AGBL4: variants seen among roughly 807,000 people sequenced by gnomAD.
The protein encoded by AGBL4 is cytosolic carboxypeptidase 6.
AGBL4 carries 58 observed loss-of-function variants against 66.4 expected under a neutral mutation model. The ratio of observed to expected loss-of-function variants is 0.87; its 90% CI spans 0.71 to 1.09. The LOEUF (loss-of-function observed/expected upper bound fraction) is 1.09. Among genes scored for constraint, AGBL4 ranks in the 50% least tolerant of loss-of-function variants. The pLI is 0.00. For missense variants in AGBL4, 579 were observed against 631.0 expected, an observed-to-expected ratio of 0.92 and a Z score of 0.88; for synonymous variants, 234 against 222.9, an observed-to-expected ratio of 1.05 and a Z score of -0.44.
chr1:48,886,231 T>C (rs1473215585), intron 5 of AGBL4, among the ~76,000 whole-genome samples: 1 of 152,144 alleles, frequency 6.6e-6, no homozygotes, highest in African/African-American at 2.4e-5. Context: ...GGCAGGGTCT[T>C]TCTGAGTGGG....
chr1:49,700,466 T>C (rs1246315636), intron 2 of AGBL4, among the ~76,000 whole-genome samples: 1 of 152,026 alleles, frequency 6.6e-6, no homozygotes, highest in Non-Finnish European at 1.5e-5. Context: ...AAAAGAAATA[T>C]TCAGCAAAGG....
chr1:49,944,516 T>A (rs1057427942), intron 1 of AGBL4, among the ~76,000 whole-genome samples: 1 of 151,580 alleles, frequency 6.6e-6, no homozygotes, highest in African/African-American at 2.4e-5. Context: ...ATGGGAAGAG[T>A]ACCACATCAA....
chr1:49,184,886 C>A (rs1170764923), intron 4 of AGBL4, among the ~76,000 whole-genome samples: 1 of 152,116 alleles, frequency 6.6e-6, no homozygotes, highest in African/African-American at 2.4e-5. Flanking sequence ...TATAAAATTG[C>A]CATGAGATTT....
intron 4 of AGBL4, among the ~76,000 whole-genome samples, chr1:49,234,591 G>GT (rs1036019473): frequency 3.3e-5 from 5 of 152,256 alleles, no homozygotes; most frequent in Non-Finnish European, 7.4e-5. Flanking sequence ...ATGCCAATTT[G>GT]TTTTTTGTGG....
At chr1:49,717,033 G>A (rs1246412278) in intron 2 of AGBL4, among the ~76,000 whole-genome samples, 8 of 152,000 alleles carry the variant, frequency 5.3e-5, no homozygotes, top group South Asian at 2.1e-4. Context: ...AAACCCCATC[G>A]TCTCAGCCCA....
At chr1:49,854,595 C>T (rs1328352920) in intron 1 of AGBL4, among the ~76,000 whole-genome samples, 3 of 152,070 alleles carry the variant, frequency 2.0e-5, no homozygotes, top group Non-Finnish European at 4.4e-5. Flanking sequence ...CATCAGACTA[C>T]CTCTTACCCT....
chr1:49,617,952 C>A (rs951305675), intron 3 of AGBL4, among the ~76,000 whole-genome samples: 2 of 152,044 alleles, frequency 1.3e-5, no homozygotes, highest in Non-Finnish European at 2.9e-5. Context: ...TTTGCTGAAC[C>A]CATCAACCCG....
At chr1:49,217,948 T>C (rs1297070017) in intron 4 of AGBL4, among the ~76,000 whole-genome samples, 1 of 152,134 alleles carries the variant, frequency 6.6e-6, no homozygotes, top group South Asian at 2.1e-4. Flanking sequence ...TCAGAAGTCA[T>C]TCATTCTCTG....
At chr1:49,934,157 T>C (rs1286820063) in intron 1 of AGBL4, among the ~76,000 whole-genome samples, 1 of 152,066 alleles carries the variant, frequency 6.6e-6, no homozygotes. Context: ...CTATTAAATA[T>C]AGAAAGCAAA....
At chr1:48,762,704 C>T (rs961695205) in intron 6 of AGBL4, among the ~76,000 whole-genome samples, 2 of 151,342 alleles carry the variant, frequency 1.3e-5, no homozygotes, top group Non-Finnish European at 2.9e-5. Context: ...GTTCCCAGGC[C>T]AGGCTTCTCT....
At chr1:49,630,163 C>A (rs1263571951) in intron 3 of AGBL4, among the ~76,000 whole-genome samples, 1 of 152,084 alleles carries the variant, frequency 6.6e-6, no homozygotes, top group Non-Finnish European at 1.5e-5. Context: ...TCTTTCACTA[C>A]CTCTCCTATC....
At chr1:49,666,512 G>A (rs1646372206) in intron 3 of AGBL4, among the ~76,000 whole-genome samples, 2 of 152,078 alleles carry the variant, frequency 1.3e-5, no homozygotes, top group Middle Eastern at 3.4e-3. Flanking sequence ...GTTGCAGTGA[G>A]CAGAGATTGC....
At chr1:49,948,570 T>TAAAA (rs1372272160) in intron 1 of AGBL4, among the ~76,000 whole-genome samples, 1 of 109,526 alleles carries the variant, frequency 9.1e-6, no homozygotes, top group Non-Finnish European at 1.8e-5. Flanking sequence ...TAAAAATATA[T>TAAAA]ATATATATAT....
intron 4 of AGBL4, among the ~76,000 whole-genome samples, chr1:49,072,321 G>T (rs182330364): frequency 1.3e-5 from 2 of 152,250 alleles, no homozygotes; most frequent in African/African-American, 4.8e-5. Flanking sequence ...ATTAGTTGAT[G>T]CTGTTCTTCA....
chr1:48,667,114 AC>A (rs1254049233), intron 6 of AGBL4, among the ~76,000 whole-genome samples: 1 of 152,364 alleles, frequency 6.6e-6, no homozygotes, highest in East Asian at 1.9e-4. Flanking sequence ...TTTTAAAAAA[AC>A]ATCGACAAAT....
At chr1:49,705,145 C>T (rs1474317982) in intron 2 of AGBL4, among the ~76,000 whole-genome samples, 1 of 152,048 alleles carries the variant, frequency 6.6e-6, no homozygotes, top group South Asian at 2.1e-4. Flanking sequence ...CCTTCACATC[C>T]CTTGTAAGTT....
intron 2 of AGBL4, among the ~76,000 whole-genome samples, chr1:49,741,362 A>G (rs1194346848): frequency 6.6e-6 from 1 of 152,222 alleles, no homozygotes; most frequent in African/African-American, 2.4e-5. Flanking sequence ...AAGAAGTTGA[A>G]TCTCTGAATA....
chr1:48,712,307 C>T (rs772436054), intron 6 of AGBL4, among the ~76,000 whole-genome samples: 10 of 152,294 alleles, frequency 6.6e-5, no homozygotes, highest in South Asian at 2.1e-4. Flanking sequence ...CTCAACACCA[C>T]GCTGGGAGGA....
intron 3 of AGBL4, among the ~76,000 whole-genome samples, chr1:49,354,518 C>G (rs573339244): frequency 6.6e-6 from 1 of 151,982 alleles, no homozygotes; most frequent in African/African-American, 2.4e-5. Context: ...TCTCTTTCTT[C>G]TTCTTCTCTA....
Sources: gnomAD v4.1 joint callset for allele counts (sites outside exome capture counted in the v4.1 genomes callset) on GRCh38, gnomAD v4.1.1 for gene constraint, MANE v1.5 for transcripts, NCBI Gene and HGNC (gene_info 2026-07-23, HGNC 2026-07-21) for gene names.